DAB1: variants seen among roughly 807,000 people sequenced by gnomAD.
DAB1 encodes DAB adaptor protein 1.
A neutral mutation model predicts 64.6 loss-of-function variants in DAB1; 15 were observed. The ratio of observed to expected loss-of-function variants is 0.23; its 90% CI spans 0.16 to 0.36. The LOEUF (loss-of-function observed/expected upper bound fraction) is 0.36, where lower values mean the gene tolerates loss of function less well. Ranked by LOEUF, DAB1 falls within the 10% of genes least tolerant of loss-of-function variation. DAB1 has a pLI of 1.00. For synonymous variants in DAB1, 235 were observed against 251.9 expected (o/e 0.93, Z 0.64); for missense variants, 596 against 706.7 (o/e 0.84, Z 1.78).
chr1:57,478,901 G>A (rs1014912765), intron 7 of DAB1, among the ~76,000 whole-genome samples: 2 of 151,468 alleles, frequency 1.3e-5, no homozygotes, highest in Non-Finnish European at 2.9e-5. Flanking sequence ...CGCCCGGCCC[G>A]GTTCCCATTC....
chr1:57,322,743 G>C (rs1675822983), intron 1 of DAB1, among the ~76,000 whole-genome samples: 1 of 152,156 alleles, frequency 6.6e-6, no homozygotes, highest in African/African-American at 2.4e-5. Context: ...CCTATATGAA[G>C]ATGACAGTAC....
chr1:57,731,803 T>C (rs993176584), intron 6 of DAB1, among the ~76,000 whole-genome samples: 1 of 108,130 alleles, frequency 9.2e-6, no homozygotes, highest in Non-Finnish European at 1.9e-5. Flanking sequence ...AGATGCTGTC[T>C]CAAAAAAAAA....
At chr1:57,461,944 T>TTC (rs1491104791) in intron 7 of DAB1, among the ~76,000 whole-genome samples, 1 of 79,730 alleles carries the variant, frequency 1.3e-5, no homozygotes, top group African/African-American at 5.7e-5. Context: ...AGATATACTC[T>TTC]TTTTTTTTTT....
At chr1:58,043,183 C>A (rs919842660) in intron 5 of DAB1, among the ~76,000 whole-genome samples, 1 of 152,102 alleles carries the variant, frequency 6.6e-6, no homozygotes, top group Non-Finnish European at 1.5e-5. Flanking sequence ...AGATAAGAGA[C>A]CAAAATTCTC....
chr1:58,040,440 G>A (rs1192550642), intron 5 of DAB1, among the ~76,000 whole-genome samples: 10 of 152,150 alleles, frequency 6.6e-5, no homozygotes, highest in African/African-American at 1.4e-4. Flanking sequence ...CATCCAAGAC[G>A]CAGCAGAAAT....
At chr1:57,146,131 TAAAGTTA>T (rs1193694336) in intron 2 of DAB1, among the ~76,000 whole-genome samples, 7 of 152,180 alleles carry the variant, frequency 4.6e-5, no homozygotes, top group African/African-American at 1.7e-4. Flanking sequence ...GTGAGGACAA[TAAAGTTA>T]ACTCTGAACT....
chr1:58,129,091 C>T (rs1303163195), intron 5 of DAB1, among the ~76,000 whole-genome samples: 8 of 147,832 alleles, frequency 5.4e-5, no homozygotes, highest in Non-Finnish European at 9.0e-5. Context: ...TGGTCCTGGA[C>T]TCTTTTTGGT....
intron 7 of DAB1, among the ~76,000 whole-genome samples, chr1:57,504,669 C>T (rs572210221): frequency 5.9e-5 from 9 of 152,222 alleles, no homozygotes; most frequent in Admixed American, 2.6e-4. Flanking sequence ...GTGGGCTGGG[C>T]ATTGTGACTT....
intron 7 of DAB1, among the ~76,000 whole-genome samples, chr1:57,634,620 G>T (rs1394069956): frequency 6.6e-6 from 1 of 152,126 alleles, no homozygotes; most frequent in Non-Finnish European, 1.5e-5. Context: ...GCTGAAATAA[G>T]ATAATAAAAA....
chr1:57,289,619 T>C (rs1018245431), intron 2 of DAB1, among the ~76,000 whole-genome samples: 4 of 152,216 alleles, frequency 2.6e-5, no homozygotes, highest in African/African-American at 9.6e-5. Flanking sequence ...GCATATGTAT[T>C]ACAGTTATGT....
At chr1:58,115,852 G>A (rs1300079836) in intron 5 of DAB1, among the ~76,000 whole-genome samples, 15 of 115,802 alleles carry the variant, frequency 1.3e-4, no homozygotes, top group Admixed American at 7.4e-4. Flanking sequence ...GTCGGGGGAG[G>A]GGGGAGGGAT....
intron 3 of DAB1, among the ~76,000 whole-genome samples, chr1:58,500,592 TAA>T (rs759775547): frequency 2.6e-5 from 4 of 152,208 alleles, no homozygotes; most frequent in Non-Finnish European, 5.9e-5. Flanking sequence ...GTGAATTTGA[TAA>T]AGATTTTTTT....
intron 7 of DAB1, among the ~76,000 whole-genome samples, chr1:57,632,416 T>C (rs1476844285): frequency 2.0e-5 from 3 of 152,130 alleles, no homozygotes. Flanking sequence ...CCACAGCGGA[T>C]GAAAGGTGTC....
At chr1:57,586,113 G>A (rs1409067800) in intron 7 of DAB1, among the ~76,000 whole-genome samples, 1 of 152,024 alleles carries the variant, frequency 6.6e-6, no homozygotes, top group East Asian at 1.9e-4. Flanking sequence ...TGATCTAGTG[G>A]GGGAAAAAAA....
chr1:58,403,557 C>A (rs1644590695), intron 3 of DAB1, among the ~76,000 whole-genome samples: 1 of 152,142 alleles, frequency 6.6e-6, no homozygotes. Flanking sequence ...ATCAGAAATA[C>A]CCCATTTCAA....
At chr1:57,893,479 G>A (rs781595353) in intron 5 of DAB1, among the ~76,000 whole-genome samples, 8 of 152,126 alleles carry the variant, frequency 5.3e-5, no homozygotes, top group African/African-American at 1.7e-4. Context: ...TCTGTGCCTG[G>A]CCATCAGGAT....
chr1:57,474,774 C>A (rs1049773014), intron 7 of DAB1, among the ~76,000 whole-genome samples: 4 of 151,972 alleles, frequency 2.6e-5, no homozygotes, highest in African/African-American at 9.7e-5. Context: ...AAACACAGGG[C>A]TTATAGGATA....
chr1:58,295,076 G>A (rs1236091400), intron 4 of DAB1, among the ~76,000 whole-genome samples: 1 of 152,104 alleles, frequency 6.6e-6, no homozygotes, highest in African/African-American at 2.4e-5. Flanking sequence ...CTGACCACAT[G>A]TTGGTGGCTT....
intron 4 of DAB1, among the ~76,000 whole-genome samples, chr1:58,255,655 C>T (rs1377949860): frequency 1.3e-5 from 2 of 152,172 alleles, no homozygotes; most frequent in Non-Finnish European, 2.9e-5. Context: ...CTATGATTGA[C>T]CAAGTCTGAC....
Sources: allele counts gnomAD v4.1 joint callset (sites outside exome capture counted in the v4.1 genomes callset), GRCh38; gene constraint gnomAD v4.1.1; transcripts MANE v1.5; gene names NCBI Gene and HGNC (gene_info 2026-07-23, HGNC 2026-07-21).